AVEN: variants seen among roughly 807,000 people sequenced by gnomAD.
AVEN encodes the protein apoptosis and caspase activation inhibitor.
AVEN carries 41 observed loss-of-function variants against 38.1 expected under a neutral mutation model. That is an observed-to-expected ratio of 1.08 (90% confidence interval 0.84 to 1.40). AVEN has a LOEUF of 1.40. AVEN is among the 40% of genes most tolerant of loss of function. The pLI, the probability that AVEN is intolerant of heterozygous loss-of-function variation, is 0.00. For missense variants in AVEN, 605 were observed against 438.8 expected (o/e 1.38, Z -3.38); for synonymous variants, 206 against 171.8 (o/e 1.20, Z -1.56).
downstream of AVEN, chr15:33,858,253 G>A: frequency 4.3e-6 from 1 of 230,228 alleles, no homozygotes; most frequent in Non-Finnish European, 8.6e-6. Flanking sequence ...CGCCCAGGCT[G>A]GAGTGCAATG....
upstream of AVEN, chr15:34,039,312 G>A (rs1162295517): frequency 3.0e-5 from 5 of 165,894 alleles, no homozygotes; most frequent in African/African-American, 1.2e-4. Flanking sequence ...CTGCAGCGGG[G>A]CGGGGGGATT....
At chr15:33,971,141 T>C (rs1474826697) in intron 2 of AVEN, among the ~76,000 whole-genome samples, 1 of 152,092 alleles carries the variant, frequency 6.6e-6, no homozygotes, top group Non-Finnish European at 1.5e-5. Context: ...GATTTTATGC[T>C]AGTACCTGAA....
At chr15:33,914,358 T>C (rs1206466088) in intron 2 of AVEN, among the ~76,000 whole-genome samples, 1 of 151,892 alleles carries the variant, frequency 6.6e-6, no homozygotes, top group Non-Finnish European at 1.5e-5. Flanking sequence ...AAGAAGTAAG[T>C]CCAGAAATAG....
chr15:33,886,055 G>A (rs1031069445), intron 2 of AVEN, among the ~76,000 whole-genome samples: 2 of 152,212 alleles, frequency 1.3e-5, no homozygotes, highest in Non-Finnish European at 2.9e-5. Flanking sequence ...GAACTGATCT[G>A]TAGTATAGTG....
intron 2 of AVEN, among the ~76,000 whole-genome samples, chr15:33,913,279 A>T (rs28693964): frequency 0.032 from 4,860 of 152,334 alleles, 260 homozygotes; most frequent in African/African-American, 0.11. Flanking sequence ...CGTTCAAACA[A>T]GGGCTGAAAC....
In AVEN at chr15:33,866,492, C is replaced by G; in HGVS notation, c.*121G>C. The G allele has an allele frequency of 1.5e-6, 1 of 672,104 alleles. No individual in the cohort carries two copies. Among genetic ancestry groups the G allele is most frequent in the Non-Finnish European group, 2.6e-6 (1 of 382,768 alleles). The allele number at this position is 672,104 out of a possible 1,614,324, so 41.6% of individuals were successfully genotyped here. A position where few individuals can be genotyped will look rare whatever the true frequency, so the allele number is the denominator to read the frequency against. On this transcript the variant is annotated 3_prime_UTR_variant, in exon 6 of 6. Transcript: ENST00000306730. ...AGAGGTAGGCATTTACTGCTGTGAGCATAATGGAACACACTAGCTTGAGAC... is the reference window on the plus strand; with the variant it reads ...AGAGGTAGGCATTTACTGCTGTGAGGATAATGGAACACACTAGCTTGAGAC...
intron 2 of AVEN, among the ~76,000 whole-genome samples, chr15:33,932,896 T>G (rs1042513520): frequency 6.6e-6 from 1 of 151,766 alleles, no homozygotes; most frequent in African/African-American, 2.4e-5. Flanking sequence ...CAGTGGTTTG[T>G]TAAATCAATA....
intron 2 of AVEN, among the ~76,000 whole-genome samples, chr15:33,932,497 T>TA (rs1258967390): frequency 6.6e-6 from 1 of 152,166 alleles, no homozygotes; most frequent in Admixed American, 6.5e-5. Context: ...TGAAGAAGAA[T>TA]AAGAAATGGT....
intron 5 of AVEN, among the ~76,000 whole-genome samples, chr15:34,050,681 A>G (rs753247951): frequency 3.9e-5 from 6 of 152,240 alleles, no homozygotes; most frequent in Non-Finnish European, 8.8e-5. Flanking sequence ...TGGAAAACAG[A>G]AAAAAGTAGG....
chr15:33,865,352 T>C, downstream of AVEN: 2 of 675,450 alleles, frequency 3.0e-6, no homozygotes, highest in East Asian at 2.8e-5. Context: ...AAAAAAAAAC[T>C]GCTGAAAATC....
At chr15:33,865,616 A>G (rs545456412), downstream of AVEN, 22 of 156,718 alleles carry the variant, frequency 1.4e-4, 1 homozygote, top group South Asian at 3.2e-3. Flanking sequence ...ATGGTATCCA[A>G]CTTGTGACTC....
rs1157922141 is a variant in AVEN at position 34,037,615 on chromosome 15, T to TA, written c.267+1164dup. On this transcript the variant is annotated intron_variant, in intron 1 of 5. Transcript: ENST00000306730. ...TATATAGTGGGCACTAGGTTGGTCT[T>TA]AGTTTCTGTCATTTACCTTAGTTTC... 1.2e-4 allele frequency among the ~76,000 whole-genome samples: 18 copies of TA among 150,786 alleles called. 1 individual carries two copies. The highest frequency in any genetic ancestry group is 2.1e-4 in the South Asian group (1 of 4,820).
intron 2 of AVEN, among the ~76,000 whole-genome samples, chr15:33,970,164 G>T (rs1223383446): frequency 6.6e-6 from 1 of 151,930 alleles, no homozygotes; most frequent in Non-Finnish European, 1.5e-5. Context: ...AAAGTTATCA[G>T]AAGTAAGTAT....
chr15:33,985,236 AG>A, intron 2 of AVEN, among the ~76,000 whole-genome samples: 1 of 151,974 alleles, frequency 6.6e-6, no homozygotes, highest in South Asian at 2.1e-4. Flanking sequence ...CAGAGACAAA[AG>A]GTGTCTCTGG....
At chr15:34,055,670 G>A (rs938504277) in intron 5 of AVEN, among the ~76,000 whole-genome samples, 5 of 151,138 alleles carry the variant, frequency 3.3e-5, no homozygotes, top group Admixed American at 6.6e-5. Flanking sequence ...GCATGGTGGC[G>A]GGTGCCTGTA....
intron 3 of AVEN, among the ~76,000 whole-genome samples, chr15:33,873,168 C>T (rs899811913): frequency 8.2e-5 from 11 of 134,334 alleles, no homozygotes; most frequent in Non-Finnish European, 1.4e-4. Flanking sequence ...GGCACGATCT[C>T]GGCTCACTGC....
chr15:33,891,263 AG>A (rs1172027150), intron 2 of AVEN, among the ~76,000 whole-genome samples: 1 of 152,206 alleles, frequency 6.6e-6, no homozygotes, highest in Non-Finnish European at 1.5e-5. Flanking sequence ...TTTAAGTTCT[AG>A]GGCACATGTG....
At chr15:34,046,299 A>G (rs1195082281) in intron 5 of AVEN, among the ~76,000 whole-genome samples, 1 of 151,062 alleles carries the variant, frequency 6.6e-6, no homozygotes, top group Non-Finnish European at 1.5e-5. Flanking sequence ...TCTGTCCAGC[A>G]GCCTAGGAAT....
chr15:34,018,389 TCA>T (rs2140701845), intron 1 of AVEN: 1 of 152,316 alleles, frequency 6.6e-6, no homozygotes, highest in East Asian at 1.9e-4. Context: ...CTTCAGATGT[TCA>T]GATGTGTCGA....
Sources: allele counts gnomAD v4.1 joint callset (sites outside exome capture counted in the v4.1 genomes callset), GRCh38; gene constraint gnomAD v4.1.1; transcripts MANE v1.5; gene names NCBI Gene and HGNC (gene_info 2026-07-23, HGNC 2026-07-21).